Variants in SYMPK observed in about 807,000 individuals in gnomAD.
SYMPK encodes the protein symplekin.
Under a neutral mutation model 136.4 loss-of-function variants are expected in SYMPK, and 49 were observed. That is an observed-to-expected ratio of 0.36 (90% CI 0.29 to 0.46). SYMPK has a LOEUF of 0.46. Ranked by LOEUF, SYMPK falls within the 20% of genes least tolerant of loss-of-function variation. The pLI, the probability that SYMPK is intolerant of heterozygous loss-of-function variation, is 1.00. For missense variants in SYMPK, 1,365 were observed against 1,690.0 expected, an observed-to-expected ratio of 0.81 and a Z score of 3.37; for synonymous variants, 766 against 713.0, an observed-to-expected ratio of 1.07 and a Z score of -1.19.
chr19:45,842,114 G>A, intron 9 of SYMPK, 136 bp downstream of exon 9: 1 of 1,386,912 alleles, frequency 7.2e-7, no homozygotes. Context: ...GGGAATACAG[G>A]TGTGAGCCAC....
At position 45,848,730 on chromosome 19, in the gene SYMPK, G is replaced by A; in HGVS notation, c.426+20C>T. ...AGACATATCAGGCAGGATGGCCCTG[G>A]GTGGGGAGGGCGCTCTCACCTGCAG... On this transcript the variant is annotated intron_variant, in intron 6 of 26. Coordinates refer to ENST00000245934, the MANE Select transcript of SYMPK (RefSeq NM_004819.3). 1 of 1,612,964 alleles carries A rather than the reference G, an allele frequency of 6.2e-7. No individual in the cohort carries two copies. The highest frequency in any genetic ancestry group is 1.7e-5 in the Admixed American group (1 of 60,006).
At chr19:45,844,455 T>C (rs1265510104) in intron 7 of SYMPK, among the ~76,000 whole-genome samples, 1 of 152,084 alleles carries the variant, frequency 6.6e-6, no homozygotes, top group Non-Finnish European at 1.5e-5. Flanking sequence ...GGCAGATCAC[T>C]TGAGGTCAGG....
intron 23 of SYMPK, among the ~76,000 whole-genome samples, chr19:45,817,587 A>G (rs1970783693): frequency 6.6e-6 from 1 of 151,792 alleles, no homozygotes; most frequent in Admixed American, 6.6e-5. Flanking sequence ...GTGAACCATC[A>G]CACCTGGCCT....
chr19:45,839,297 TAAAG>T (rs1257815712), intron 9 of SYMPK, among the ~76,000 whole-genome samples: 1 of 152,128 alleles, frequency 6.6e-6, no homozygotes, highest in Non-Finnish European at 1.5e-5. Flanking sequence ...ATTCCCCACT[TAAAG>T]GAAACCAGGG....
chr19:45,853,628 AAG>A (rs1971746312), intron 3 of SYMPK, among the ~76,000 whole-genome samples: 1 of 151,618 alleles, frequency 6.6e-6, no homozygotes, highest in Non-Finnish European at 1.5e-5. Context: ...AAAAAAAAAA[AAG>A]AGATGCTCTG....
intron 24 of SYMPK, 62 bp from the exon 25 acceptor site, chr19:45,816,639 A>C (rs1264741885): frequency 8.7e-6 from 14 of 1,603,876 alleles, no homozygotes; most frequent in Non-Finnish European, 1.2e-5. Context: ...CCATTTGCAC[A>C]CCTCAGGTCC....
At chr19:45,845,968 G>A (rs1430798243) in intron 7 of SYMPK, among the ~76,000 whole-genome samples, 1 of 152,226 alleles carries the variant, frequency 6.6e-6, no homozygotes, top group African/African-American at 2.4e-5. Context: ...CGGGCGCGGT[G>A]GCTCACGCCT....
At chr19:45,835,585 G>A (rs1489118488) in intron 10 of SYMPK, among the ~76,000 whole-genome samples, 3 of 152,090 alleles carry the variant, frequency 2.0e-5, no homozygotes, top group Non-Finnish European at 4.4e-5. Flanking sequence ...CATGGGAGAA[G>A]GCTAAGAAGC....
intron 24 of SYMPK, 69 bp from the exon 25 acceptor site, chr19:45,816,646 G>GT (rs1568605341): frequency 6.3e-7 from 1 of 1,597,978 alleles, no homozygotes; most frequent in South Asian, 1.1e-5. Context: ...CACACCTCAG[G>GT]TCCGGGGGCC....
chr19:45,856,324 A>T (rs1241787312), intron 1 of SYMPK, among the ~76,000 whole-genome samples: 1 of 152,072 alleles, frequency 6.6e-6, no homozygotes, highest in Non-Finnish European at 1.5e-5. Context: ...TGGGACATAA[A>T]GACAGACTCC....
chr19:45,817,763 C>T (rs1034730577), intron 23 of SYMPK, among the ~76,000 whole-genome samples, 196 bp downstream of exon 23: 2 of 152,228 alleles, frequency 1.3e-5, no homozygotes, highest in Admixed American at 1.3e-4. Flanking sequence ...TCCTACCACC[C>T]AGCTGCCCTC....
At chr19:45,853,324 G>C (rs556325491) in intron 3 of SYMPK, among the ~76,000 whole-genome samples, 3 of 152,178 alleles carry the variant, frequency 2.0e-5, no homozygotes, top group African/African-American at 7.2e-5. Flanking sequence ...ACACACTTCT[G>C]TGCCCTCAGC....
chr19:45,822,936 G>A (rs749208069), intron 20 of SYMPK, 90 bp from the exon 21 acceptor site: 335 of 1,106,122 alleles, frequency 3.0e-4, no homozygotes, highest in Non-Finnish European at 4.3e-4. Flanking sequence ...TCGCCCTGGG[G>A]AGCTGAGGGC....
chr19:45,838,088 C>T (rs1971347369), intron 10 of SYMPK, among the ~76,000 whole-genome samples: 1 of 151,988 alleles, frequency 6.6e-6, no homozygotes, highest in African/African-American at 2.4e-5. Flanking sequence ...ATCATGGGGG[C>T]AGATCCCTCA....
Position 45,829,002 on chromosome 19 carries a change from A to G in SYMPK, c.1953T>C (p.Ser651=), listed in dbSNP as rs755231058. ...TCTGGTCTGGTTTCTCCTGCAGGCC[A>G]GACAACAGGCGGATGAGGCAGTCCT... is the stretch of plus-strand genomic sequence containing the variant. ...KYEDCLIRLL[S]GLQEKPDQKD... The change falls in exon 14 of 27, where the codon TCT becomes TCC. Residue 651 remains serine (S), a synonymous_variant. Transcript: ENST00000245934. 2.5e-6 allele frequency: 4 copies of G among 1,614,186 alleles called. No individual in the cohort carries two copies. Among genetic ancestry groups the G allele is most frequent in the Non-Finnish European group, 3.4e-6 (4 of 1,180,028 alleles).
intron 1 of SYMPK, among the ~76,000 whole-genome samples, chr19:45,857,267 G>A (rs560390966): frequency 8.7e-5 from 13 of 148,828 alleles, no homozygotes; most frequent in Admixed American, 1.3e-4. Flanking sequence ...AAAATATGCC[G>A]GGCATGGTGG....
At chr19:45,848,163 G>A (rs568467578) in intron 6 of SYMPK, among the ~76,000 whole-genome samples, 162 bp from the exon 7 acceptor site, 281 of 152,276 alleles carry the variant, frequency 1.8e-3, no homozygotes, top group African/African-American at 6.6e-3. Context: ...CCAGTGCTCG[G>A]TGATGCTGGA....
chr19:45,847,026 C>T (rs148460425), intron 7 of SYMPK, among the ~76,000 whole-genome samples: 21,635 of 151,730 alleles, frequency 0.14, 1,624 homozygotes, highest in South Asian at 0.18. Flanking sequence ...ACTCCTGACC[C>T]CAAGTGATCT....
At position 45,829,094 on chromosome 19, in the gene SYMPK, C is replaced by T. The variant is rs758323464; in HGVS notation, c.1861G>A (p.Ala621Thr). 40 of 1,614,060 alleles carry T rather than the reference C, an allele frequency of 2.5e-5. No individual in the cohort carries two copies. Among genetic ancestry groups the T allele is most frequent in the East Asian group, 6.7e-5 (3 of 44,898 alleles). The change falls in exon 14 of 27, where the codon GCC becomes ACC. Residue 621 changes from alanine to threonine, a missense_variant. Physicochemically the swap from Ala to Thr is moderately conservative, Grantham distance 58. This residue lies in a region of SYMPK where 303 missense variants were observed against 326.6 expected (regional missense o/e 0.93). Transcript: ENST00000245934. ...GCGTTGTACTCCTGGTAGAGCCAGG[C>T]GAAGGCCAGGTCCAGGCGGGCCCGC... Reference protein sequence around the residue: ...DVRARLDLAFAWLYQEYNAYL... With the variant: ...DVRARLDLAFTWLYQEYNAYL...
Sources: gnomAD v4.1 joint callset for allele counts (sites outside exome capture counted in the v4.1 genomes callset) on GRCh38, gnomAD v4.1.1 for gene constraint, gnomAD v4.1.1 regional missense constraint, MANE v1.5 for transcripts, NCBI Gene and HGNC (gene_info 2026-07-23, HGNC 2026-07-21) for gene names.